The following NRG4 variants were observed in gnomAD, a reference collection of about 807,000 sequenced individuals.
NRG4 encodes pro-neuregulin-4, membrane-bound isoform.
In NRG4, 10 loss-of-function variants were observed where a neutral mutation model predicts 15.0. The ratio of observed to expected loss-of-function variants is 0.67; its 90% CI spans 0.41 to 1.13. NRG4 has a LOEUF of 1.13. Ranked by LOEUF, NRG4 falls within the 50% of genes most tolerant of loss-of-function variation. The probability of loss-of-function intolerance (pLI) is 0.00; values close to 1 mark genes in which losing one functional copy is unlikely to be tolerated. For synonymous variants in NRG4, 41 were observed against 50.1 expected, an observed-to-expected ratio of 0.82 and a Z score of 0.77; for missense variants, 139 against 140.2, an observed-to-expected ratio of 0.99 and a Z score of 0.04.
intron 4 of NRG4, among the ~76,000 whole-genome samples, chr15:76,045,766 T>C (rs2035855072): frequency 6.6e-6 from 1 of 150,454 alleles, no homozygotes. Flanking sequence ...GAAAGATGGT[T>C]ACCAGAGGCT....
chr15:76,031,971 C>T (rs2035484491), intron 5 of NRG4, among the ~76,000 whole-genome samples: 1 of 152,154 alleles, frequency 6.6e-6, no homozygotes, highest in African/African-American at 2.4e-5. Context: ...GCATACATTA[C>T]TCAAGAAAAG....
chr15:76,001,523 G>A (rs1596008788), intron 3 of NRG4, among the ~76,000 whole-genome samples: 1 of 152,136 alleles, frequency 6.6e-6, no homozygotes. Flanking sequence ...CAAGTGCTCA[G>A]TAGCCACACA....
chr15:75,973,717 T>C (rs542117788), intron 3 of NRG4, among the ~76,000 whole-genome samples: 3 of 152,290 alleles, frequency 2.0e-5, no homozygotes, highest in Admixed American at 2.0e-4. Context: ...GGGATGAAGC[T>C]GACTTGATCG....
At chr15:76,050,597 ATTTTTTTTT>A (rs35228253) in intron 4 of NRG4, among the ~76,000 whole-genome samples, 1 of 108,952 alleles carries the variant, frequency 9.2e-6, no homozygotes, top group Non-Finnish European at 1.8e-5. Flanking sequence ...CGCTCGGCTA[ATTTTTTTTT>A]TTTTTTTTTT....
intron 3 of NRG4, among the ~76,000 whole-genome samples, chr15:75,992,274 G>A (rs2034045287): frequency 6.6e-6 from 1 of 152,130 alleles, no homozygotes; most frequent in Non-Finnish European, 1.5e-5. Context: ...TTAAGAGACA[G>A]TTTTATATTT....
chr15:76,023,042 A>T (rs2035203730), intron 5 of NRG4, among the ~76,000 whole-genome samples: 1 of 152,074 alleles, frequency 6.6e-6, no homozygotes. Context: ...AAATAACTAA[A>T]GGAATAGCTA....
At chr15:76,016,759 G>A (rs1167232967), upstream of NRG4, among the ~76,000 whole-genome samples, 3 of 152,054 alleles carry the variant, frequency 2.0e-5, no homozygotes, top group Admixed American at 6.5e-5. Context: ...CCAATTATGT[G>A]GTCAATTTTA....
Position 75,941,835 on chromosome 15 carries a change from G to A in NRG4, c.*1803C>T, listed in dbSNP as rs953486324. 4 of 149,778 alleles carry A rather than the reference G, an allele frequency of 2.7e-5. No homozygotes were observed. The highest frequency in any genetic ancestry group is 9.8e-5 in the African/African-American group (4 of 40,626). The allele number at this position is 149,778 out of a possible 1,614,324, so 9.3% of individuals were successfully genotyped here. A position where few individuals can be genotyped will look rare whatever the true frequency, so the allele number is the denominator to read the frequency against. ...AAAAGTTCCGGAGGTGCATAGTGGT[G>A]ACTGGTACATACAACGAATGTATTT... On this transcript the variant is annotated 3_prime_UTR_variant, in exon 6 of 6. Coordinates refer to ENST00000394907, the MANE Select transcript of NRG4 (RefSeq NM_138573.4).
chr15:76,054,893 C>T (rs1487781276), intron 2 of NRG4, among the ~76,000 whole-genome samples: 1 of 152,148 alleles, frequency 6.6e-6, no homozygotes, highest in African/African-American at 2.4e-5. Flanking sequence ...TAACATTACA[C>T]CTCTTTTCTT....
At chr15:76,052,776 G>A (rs2036051263) in intron 3 of NRG4, among the ~76,000 whole-genome samples, 1 of 150,896 alleles carries the variant, frequency 6.6e-6, no homozygotes, top group Admixed American at 6.6e-5. Flanking sequence ...ATATCAAAGT[G>A]GCATATATTA....
At chr15:76,053,916 C>T (rs1248040855) in intron 2 of NRG4, among the ~76,000 whole-genome samples, 3 of 150,960 alleles carry the variant, frequency 2.0e-5, no homozygotes, top group East Asian at 3.8e-4. Flanking sequence ...TATATGTACT[C>T]GCTGATATTC....
chr15:76,053,591 G>C (rs935693855), intron 2 of NRG4, among the ~76,000 whole-genome samples: 9 of 150,274 alleles, frequency 6.0e-5, no homozygotes, highest in African/African-American at 2.2e-4. Flanking sequence ...TCTGTCTCAG[G>C]AGCAGTGGCA....
At chr15:76,012,167 G>C (rs578143817) in intron 1 of NRG4, 152 bp downstream of exon 1, 1 of 151,972 alleles carries the variant, frequency 6.6e-6, no homozygotes, top group Non-Finnish European at 1.5e-5. Context: ...CAAGCAGAGA[G>C]GCAGAGAAAG....
rs2035462575 is a variant in NRG4 at position 76,031,183 on chromosome 15, A to G, written c.-57+4761T>C. Among the ~76,000 whole-genome samples the G allele has an allele frequency of 2.6e-5, 4 of 152,260 alleles. No homozygotes were observed. In the South Asian group the frequency reaches 8.3e-4, roughly 32 times the overall value. On this transcript the variant is annotated intron_variant, in intron 5 of 8. Transcript: ENST00000563910. ...AACTTCAATATCCATTCATGAGGGA[A>G]AAAAAATCTCCACAAACTAGGGGAA...
downstream of NRG4, chr15:75,940,488 C>T (rs2030836693): frequency 1.3e-5 from 2 of 150,080 alleles, no homozygotes; most frequent in Non-Finnish European, 1.5e-5. Flanking sequence ...TAGAAAAACC[C>T]ATCCTGAATT....
chr15:76,000,858 A>G (rs2034388926), intron 3 of NRG4, among the ~76,000 whole-genome samples: 1 of 152,206 alleles, frequency 6.6e-6, no homozygotes, highest in Non-Finnish European at 1.5e-5. Flanking sequence ...GTAAAAACGA[A>G]TTGGGAAGCC....
chr15:75,943,739 C>A, intron 5 of NRG4, 85 bp from the exon 6 acceptor site: 1 of 860,954 alleles, frequency 1.2e-6, no homozygotes, highest in Non-Finnish European at 1.9e-6. Flanking sequence ...CTCTTATCTT[C>A]TTCACATATA....
intron 3 of NRG4, among the ~76,000 whole-genome samples, chr15:75,985,753 T>C (rs1263813837): frequency 1.3e-5 from 2 of 151,940 alleles, no homozygotes; most frequent in Admixed American, 1.3e-4. Flanking sequence ...AATCAAATTA[T>C]AAGTCAACAT....
chr15:76,050,970 T>C (rs1290915038), intron 4 of NRG4, among the ~76,000 whole-genome samples: 1 of 147,616 alleles, frequency 6.8e-6, no homozygotes, highest in Non-Finnish European at 1.5e-5. Context: ...CATGCCTGCC[T>C]ATTTTTATTT....
Sources: allele counts gnomAD v4.1 joint callset (sites outside exome capture counted in the v4.1 genomes callset), GRCh38; gene constraint gnomAD v4.1.1; transcripts MANE v1.5; gene names NCBI Gene and HGNC (gene_info 2026-07-23, HGNC 2026-07-21).